FRMD4A: variants seen among roughly 807,000 people sequenced by gnomAD.
The protein encoded by FRMD4A is FERM domain containing 4A.
In FRMD4A, 29 loss-of-function variants were observed where a neutral mutation model predicts 129.1. The ratio of observed to expected loss-of-function variants is 0.22; its 90% CI spans 0.17 to 0.31. FRMD4A has a LOEUF of 0.31. Among genes scored for constraint, FRMD4A ranks in the 10% least tolerant of loss-of-function variants. The probability of loss-of-function intolerance (pLI) is 1.00; values close to 1 mark genes in which losing one functional copy is unlikely to be tolerated. For missense variants in FRMD4A, 1,272 were observed against 1,375.8 expected, an observed-to-expected ratio of 0.92 and a Z score of 1.19; for synonymous variants, 634 against 571.6, an observed-to-expected ratio of 1.11 and a Z score of -1.56.
chr10:13,688,732 G>C (rs1424421743), intron 15 of FRMD4A, among the ~76,000 whole-genome samples: 2 of 152,086 alleles, frequency 1.3e-5, no homozygotes, highest in South Asian at 2.1e-4. Flanking sequence ...ACTTATTTTA[G>C]AGACAGAGTC....
chr10:14,035,902 C>T (rs376560848), intron 2 of FRMD4A, among the ~76,000 whole-genome samples: 49 of 152,112 alleles, frequency 3.2e-4, no homozygotes, highest in Non-Finnish European at 5.7e-4. Flanking sequence ...ATTAGCCAGG[C>T]GTGGTGGTTG....
At chr10:14,106,022 C>T (rs1419265204) in intron 2 of FRMD4A, among the ~76,000 whole-genome samples, 4 of 152,158 alleles carry the variant, frequency 2.6e-5, no homozygotes, top group Admixed American at 1.3e-4. Context: ...TTAGGGATTG[C>T]AAATGTTGTC....
intron 17 of FRMD4A, among the ~76,000 whole-genome samples, chr10:13,670,150 C>T (rs933458768): frequency 1.1e-4 from 17 of 152,174 alleles, no homozygotes; most frequent in Non-Finnish European, 2.9e-5. Context: ...CCAAGCTCAA[C>T]GTGGCTGCTT....
chr10:13,918,364 TA>T (rs2095033132), intron 2 of FRMD4A, among the ~76,000 whole-genome samples: 1 of 152,196 alleles, frequency 6.6e-6, no homozygotes, highest in African/African-American at 2.4e-5. Context: ...GAACAAGCAG[TA>T]AAAATGTCAC....
In FRMD4A at chr10:14,148,987, T is replaced by C. The variant is rs146589692; in HGVS notation, c.45+181071A>G. On this transcript the variant is annotated intron_variant, in intron 2 of 24. Transcript: ENST00000357447. Reference sequence around the variant, plus strand: ...TTGTAATTAGAAATGAGCTATAATATGCACATCACTGAAAACAAACCTAAT... The same window carrying C: ...TTGTAATTAGAAATGAGCTATAATACGCACATCACTGAAAACAAACCTAAT... Among the ~76,000 whole-genome samples the C allele has an allele frequency of 1.7e-3, 254 of 152,246 alleles. 2 individuals are homozygous for C. Among genetic ancestry groups the C allele is most frequent in the Middle Eastern group, 3.4e-3 (1 of 294 alleles).
intron 2 of FRMD4A, among the ~76,000 whole-genome samples, chr10:14,301,010 G>C (rs1032901866): frequency 1.3e-5 from 2 of 152,178 alleles, no homozygotes; most frequent in African/African-American, 4.8e-5. Context: ...CTCCAGGAGG[G>C]ATGGAGAATA....
chr10:13,791,141 G>T (rs996432156), intron 5 of FRMD4A, among the ~76,000 whole-genome samples: 4 of 152,150 alleles, frequency 2.6e-5, no homozygotes, highest in African/African-American at 7.2e-5. Context: ...GTAGGACTAG[G>T]AGCTCCCTGG....
chr10:14,142,219 C>T (rs1839874910), intron 2 of FRMD4A, among the ~76,000 whole-genome samples: 5 of 151,746 alleles, frequency 3.3e-5, no homozygotes, highest in Admixed American at 3.3e-4. Flanking sequence ...TATGCTTCTT[C>T]TCTGTCATGC....
At chr10:14,008,821 T>C (rs938692779) in intron 2 of FRMD4A, among the ~76,000 whole-genome samples, 11 of 152,198 alleles carry the variant, frequency 7.2e-5, no homozygotes, top group Non-Finnish European at 7.3e-5. Context: ...CGTATCTGTT[T>C]ACCCTTCCTG....
chr10:13,824,501 TAATA>T (rs1328808362), intron 3 of FRMD4A, among the ~76,000 whole-genome samples: 5 of 146,178 alleles, frequency 3.4e-5, no homozygotes, highest in Non-Finnish European at 7.6e-5. Context: ...AAACAAAAAA[TAATA>T]AATAAATAAA....
chr10:13,955,658 G>A (rs937918705), intron 2 of FRMD4A, among the ~76,000 whole-genome samples: 1 of 152,204 alleles, frequency 6.6e-6, no homozygotes, highest in African/African-American at 2.4e-5. Context: ...TGTAATACCA[G>A]AAGTGGCGCC....
rs556158354 is a variant in FRMD4A, at chr10:13,980,350, C to T, written c.46-121438G>A. On this transcript the variant is annotated intron_variant, in intron 2 of 24. Transcript: ENST00000357447. ...CATTCCAGCATGACTGTGGTAAAAA[C>T]AAAAAAAATCTATTTTATTCTAGTC... 1.6e-4 allele frequency among the ~76,000 whole-genome samples: 24 copies of T among 151,798 alleles called. 1 individual carries two copies. The Middle Eastern group carries it at 0.01, about 65-fold the overall frequency.
At position 13,657,038 on chromosome 10, in the gene FRMD4A, G is replaced by C; in HGVS notation, c.2551C>G (p.Arg851Gly). Residue 851 changes from arginine (R) to glycine (G), a missense_variant, in exon 22 of 25, where the codon CGC (arginine) becomes GGC (glycine). Coordinates refer to ENST00000357447, the MANE Select transcript of FRMD4A (RefSeq NM_018027.5). Reference sequence around the variant, plus strand: ...CCCTCCTGGTCGCTCTCCAGGCTGCGCACCACCACGGGCGTGGCGCCGCCC... The same window carrying C: ...CCCTCCTGGTCGCTCTCCAGGCTGCCCACCACCACGGGCGTGGCGCCGCCC... ...IEGGATPVVV[R>G]SLESDQEGHY... The C allele has an allele frequency of 6.4e-7, 1 of 1,570,604 alleles. No homozygotes were observed. The highest frequency in any genetic ancestry group is 8.6e-7 in the Non-Finnish European group (1 of 1,165,224).
intron 2 of FRMD4A, chr10:14,074,501 T>C (rs1835471158): frequency 6.6e-6 from 1 of 152,250 alleles, no homozygotes; most frequent in East Asian, 1.9e-4. Context: ...TATGAACTGC[T>C]GTGCTGAGCA....
chr10:14,185,555 G>C (rs1026755735), intron 2 of FRMD4A, among the ~76,000 whole-genome samples: 4 of 152,148 alleles, frequency 2.6e-5, no homozygotes, highest in Non-Finnish European at 5.9e-5. Flanking sequence ...CATAAAGCAA[G>C]ACTATTTAAA....
intron 14 of FRMD4A, among the ~76,000 whole-genome samples, chr10:13,698,110 CAGAGAGAAAGAA>C (rs939919328): frequency 2.2e-5 from 2 of 92,470 alleles, no homozygotes; most frequent in East Asian, 3.0e-4. Flanking sequence ...GAGAGACAGG[CAGAGAGAAAGAA>C]GGAGAGATTT....
chr10:13,835,954 G>A (rs1228089439), intron 3 of FRMD4A, among the ~76,000 whole-genome samples: 1 of 152,120 alleles, frequency 6.6e-6, no homozygotes, highest in Admixed American at 6.6e-5. Context: ...TAAGTATTTA[G>A]AGAGTGTCTA....
intron 19 of FRMD4A, 124 bp from the exon 20 acceptor site, chr10:13,660,677 G>C (rs2082572292): frequency 1.6e-6 from 1 of 631,770 alleles, no homozygotes; most frequent in Non-Finnish European, 2.8e-6. Flanking sequence ...CTTCACCCCT[G>C]TGATGAGAAA....
At chr10:13,813,052 G>T (rs73579922) in intron 3 of FRMD4A, among the ~76,000 whole-genome samples, 2,647 of 152,348 alleles carry the variant, frequency 0.017, 59 homozygotes, top group African/African-American at 0.058. Context: ...ATGGGCTGTG[G>T]CCAGCACTAG....
Sources: gnomAD v4.1 joint callset for allele counts (sites outside exome capture counted in the v4.1 genomes callset) on GRCh38, gnomAD v4.1.1 for gene constraint, MANE v1.5 for transcripts, NCBI Gene and HGNC (gene_info 2026-07-23, HGNC 2026-07-21) for gene names.